The following FAM222B variants were observed in gnomAD, a reference collection of about 807,000 sequenced individuals.
FAM222B encodes family with sequence similarity 222 member B, also known as protein FAM222B.
FAM222B carries 12 observed loss-of-function variants against 38.0 expected under a neutral mutation model. The ratio of observed to expected loss-of-function variants is 0.32; its 90% CI spans 0.20 to 0.51. The LOEUF is 0.51. FAM222B is among the 20% of genes least tolerant of loss of function. FAM222B has a pLI of 0.97. For synonymous variants in FAM222B, 329 were observed against 317.2 expected, an observed-to-expected ratio of 1.04 and a Z score of -0.40; for missense variants, 716 against 754.2, an observed-to-expected ratio of 0.95 and a Z score of 0.59.
intron 1 of FAM222B, among the ~76,000 whole-genome samples, chr17:28,825,798 T>C (rs2038419834): frequency 6.6e-6 from 1 of 152,190 alleles, no homozygotes; most frequent in African/African-American, 2.4e-5. Context: ...ATTTTTGAGA[T>C]GGAGTCTCGC....
At chr17:28,788,717 G>T (rs2036528618) in intron 1 of FAM222B, among the ~76,000 whole-genome samples, 1 of 151,952 alleles carries the variant, frequency 6.6e-6, no homozygotes, top group Admixed American at 6.6e-5. Flanking sequence ...CCAAATAATT[G>T]TAATTTGCCC....
Position 28,757,489 on chromosome 17 carries a change from T to TG in FAM222B, c.*780dup, listed in dbSNP as rs2034760062. The TG allele has an allele frequency of 6.6e-6, 1 of 151,828 alleles. No homozygotes were observed. The highest frequency in any genetic ancestry group is 2.4e-5 in the African/African-American group (1 of 41,298). 9.4% of individuals were successfully genotyped at this position (151,828 alleles called of 1,614,324 possible). A position where few individuals can be genotyped will look rare whatever the true frequency, so the allele number is the denominator to read the frequency against. Reference sequence around the variant, plus strand: ...TTGTTGAGGGGGAAAGGATAGGGGCTGTGGGGAGGTGAGTTAGGGGACAGG... The same window carrying TG: ...TTGTTGAGGGGGAAAGGATAGGGGCTGGTGGGGAGGTGAGTTAGGGGACAGG... On this transcript the variant is annotated 3_prime_UTR_variant, in exon 3 of 3. Transcript: ENST00000581407.
chr17:28,764,514 C>T (rs2035238362), intron 2 of FAM222B, among the ~76,000 whole-genome samples: 1 of 151,824 alleles, frequency 6.6e-6, no homozygotes, highest in Middle Eastern at 3.2e-3. Flanking sequence ...TTTGAGAGGC[C>T]GAGGCAGGCG....
At chr17:28,786,572 C>A (rs906346309) in intron 1 of FAM222B, among the ~76,000 whole-genome samples, 1 of 152,170 alleles carries the variant, frequency 6.6e-6, no homozygotes, top group African/African-American at 2.4e-5. Context: ...TCAACTCATA[C>A]CTTTCCTAAG....
At chr17:28,811,997 A>G (rs1397221146) in intron 1 of FAM222B, among the ~76,000 whole-genome samples, 1 of 152,160 alleles carries the variant, frequency 6.6e-6, no homozygotes, top group Non-Finnish European at 1.5e-5. Flanking sequence ...ACCGATATCG[A>G]CACATCAGTA....
intron 1 of FAM222B, among the ~76,000 whole-genome samples, chr17:28,831,728 G>A (rs142112558): frequency 6.6e-6 from 1 of 151,184 alleles, no homozygotes; most frequent in East Asian, 2.0e-4. Context: ...GGCTGGTCTC[G>A]AACCCTGGGA....
At chr17:28,798,725 C>G (rs1441282387) in intron 1 of FAM222B, among the ~76,000 whole-genome samples, 2 of 151,248 alleles carry the variant, frequency 1.3e-5, no homozygotes, top group African/African-American at 4.9e-5. Flanking sequence ...AGCTCCGCCT[C>G]CCGGGTTCAC....
intron 1 of FAM222B, among the ~76,000 whole-genome samples, chr17:28,807,721 T>C: frequency 6.6e-6 from 1 of 152,218 alleles, no homozygotes; most frequent in East Asian, 1.9e-4. Context: ...AGACGTTTTA[T>C]GTATTTACAG....
intron 1 of FAM222B, among the ~76,000 whole-genome samples, chr17:28,792,632 T>C (rs2151876402): frequency 6.6e-6 from 1 of 151,994 alleles, no homozygotes; most frequent in East Asian, 1.9e-4. Context: ...AATACAAAAA[T>C]TAGCCAGGTG....
chr17:28,828,584 A>G (rs1198917680), intron 1 of FAM222B, among the ~76,000 whole-genome samples: 1 of 151,968 alleles, frequency 6.6e-6, no homozygotes, highest in Non-Finnish European at 1.5e-5. Flanking sequence ...AAAAAAACAA[A>G]AAACATACAA....
At chr17:28,773,479 C>CAAAAAAAA (rs66716142) in intron 1 of FAM222B, among the ~76,000 whole-genome samples, 1 of 60,760 alleles carries the variant, frequency 1.6e-5, no homozygotes, top group Non-Finnish European at 2.8e-5. Context: ...AACTCTGTCT[C>CAAAAAAAA]AAAAAAAAAA....
At chr17:28,805,311 G>A (rs1375245512) in intron 1 of FAM222B, among the ~76,000 whole-genome samples, 1 of 152,208 alleles carries the variant, frequency 6.6e-6, no homozygotes, top group South Asian at 2.1e-4. Flanking sequence ...ATGGCAGGCA[G>A]ATCACTTGAG....
rs1400515161 is a variant in FAM222B at position 28,758,702 on chromosome 17, G to A, written c.1257C>T (p.Ser419=). The change falls in exon 3 of 3, where the codon TCC becomes TCT. Residue 419 remains serine (S), a synonymous_variant. Transcript: ENST00000581407. ...TTTCCAGGGGTGGCTTCAGATGGAAGGACTGCGCCAGGCAGAGTTCCTGCG... is the reference window on the plus strand; with the variant it reads ...TTTCCAGGGGTGGCTTCAGATGGAAAGACTGCGCCAGGCAGAGTTCCTGCG... ...AYPQELCLAQ[S]FHLKPPLEKP... is the part of the protein sequence containing the mutation. 8.8e-6 allele frequency: 14 copies of A among 1,599,126 alleles called. No individual in the cohort carries two copies. Among genetic ancestry groups the A allele is most frequent in the Non-Finnish European group, 1.2e-5 (14 of 1,171,166 alleles).
At chr17:28,813,249 A>G (rs1173047175) in intron 1 of FAM222B, among the ~76,000 whole-genome samples, 1 of 151,888 alleles carries the variant, frequency 6.6e-6, no homozygotes, top group Non-Finnish European at 1.5e-5. Flanking sequence ...AAATCCCAAG[A>G]TAACAATTCC....
At chr17:28,774,562 T>C (rs1042531923) in intron 1 of FAM222B, among the ~76,000 whole-genome samples, 2 of 152,206 alleles carry the variant, frequency 1.3e-5, no homozygotes, top group Non-Finnish European at 1.5e-5. Flanking sequence ...ACAAACCTTT[T>C]TCCCTACTGG....
At chr17:28,831,572 T>C (rs1203225506) in intron 1 of FAM222B, among the ~76,000 whole-genome samples, 1 of 149,006 alleles carries the variant, frequency 6.7e-6, no homozygotes, top group Non-Finnish European at 1.5e-5. Context: ...AGTGTTGCGA[T>C]CTTGGTTCAC....
chr17:28,800,955 C>T (rs192720792), intron 1 of FAM222B, among the ~76,000 whole-genome samples: 19 of 149,554 alleles, frequency 1.3e-4, no homozygotes, highest in African/African-American at 4.2e-4. Flanking sequence ...GTCAGGGGTT[C>T]GAGACCAGCC....
intron 1 of FAM222B, among the ~76,000 whole-genome samples, chr17:28,822,625 A>G (rs2152584358): frequency 7.1e-6 from 1 of 141,746 alleles, no homozygotes; most frequent in East Asian, 2.2e-4. Context: ...AAACTCCACC[A>G]CAAAAAATAA....
intron 1 of FAM222B, chr17:28,766,933 G>T: frequency 2.3e-6 from 1 of 429,876 alleles, no homozygotes; most frequent in Non-Finnish European, 4.3e-6. Flanking sequence ...ATGTATGGAT[G>T]GGAGAAATAA....
Sources: allele counts gnomAD v4.1 joint callset (sites outside exome capture counted in the v4.1 genomes callset), GRCh38; gene constraint gnomAD v4.1.1; transcripts MANE v1.5; gene names NCBI Gene and HGNC (gene_info 2026-07-23, HGNC 2026-07-21).